KANSL1: variants seen among roughly 807,000 people sequenced by gnomAD.
KANSL1 encodes KAT8 regulatory NSL complex subunit 1.
In KANSL1, 22 loss-of-function variants were observed where a neutral mutation model predicts 103.6. The observed-to-expected ratio is 0.21, with a 90% CI of 0.15 to 0.30. The LOEUF (loss-of-function observed/expected upper bound fraction) is 0.30. Ranked by LOEUF, KANSL1 falls within the 10% of genes least tolerant of loss-of-function variation. The probability of loss-of-function intolerance (pLI) is 1.00; values close to 1 mark genes in which losing one functional copy is unlikely to be tolerated. For missense variants in KANSL1, 1,337 were observed against 1,399.8 expected (o/e 0.96, Z 0.72); for synonymous variants, 600 against 527.6 (o/e 1.14, Z -1.88).
intron 6 of KANSL1, among the ~76,000 whole-genome samples, chr17:46,063,535 G>T (rs1001514215): frequency 6.6e-6 from 1 of 152,172 alleles, no homozygotes; most frequent in African/African-American, 2.4e-5. Flanking sequence ...CCAGCTTTCT[G>T]CTAGATCTAG....
chr17:46,172,475 A>C (rs556278714), intron 1 of KANSL1, among the ~76,000 whole-genome samples: 1 of 152,374 alleles, frequency 6.6e-6, no homozygotes. Context: ...GTTACCACAG[A>C]TTGAAAGGTG....
chr17:46,118,364 C>T (rs560504311), intron 2 of KANSL1, among the ~76,000 whole-genome samples: 1 of 152,384 alleles, frequency 6.6e-6, no homozygotes, highest in East Asian at 1.9e-4. Context: ...CCAATCCCTT[C>T]AGATGTGGCA....
chr17:46,158,687 C>T (rs946638794), intron 2 of KANSL1, among the ~76,000 whole-genome samples: 1 of 152,152 alleles, frequency 6.6e-6, no homozygotes, highest in Non-Finnish European at 1.5e-5. Context: ...ATTACAGGTG[C>T]CCGCCACCAC....
chr17:46,094,508 G>C, intron 3 of KANSL1, 52 bp downstream of exon 3: 1 of 1,581,820 alleles, frequency 6.3e-7, no homozygotes, highest in South Asian at 1.1e-5. Context: ...TGAGAAAAGC[G>C]ATATTGATAG....
intron 2 of KANSL1, among the ~76,000 whole-genome samples, chr17:46,132,624 G>A (rs1034124649): frequency 5.3e-5 from 8 of 152,170 alleles, no homozygotes; most frequent in African/African-American, 1.9e-4. Flanking sequence ...GAGAATTGCT[G>A]CCCTAATTAA....
intron 2 of KANSL1, among the ~76,000 whole-genome samples, chr17:46,105,880 C>CACACACACAT (rs1414063926): frequency 4.4e-4 from 42 of 95,326 alleles, no homozygotes; most frequent in Middle Eastern, 6.0e-3. Flanking sequence ...CACACACACA[C>CACACACACAT]ACACACACAC....
intron 2 of KANSL1, among the ~76,000 whole-genome samples, chr17:46,112,580 G>A (rs989152093): frequency 4.6e-5 from 7 of 151,926 alleles, no homozygotes; most frequent in African/African-American, 1.7e-4. Flanking sequence ...AGCTACTCAG[G>A]AGGCTGAGGT....
intron 3 of KANSL1, among the ~76,000 whole-genome samples, chr17:46,090,054 C>A (rs969127420): frequency 6.6e-5 from 10 of 152,188 alleles, no homozygotes; most frequent in African/African-American, 2.2e-4. Context: ...TTATGAAGAG[C>A]CATTTAGTGT....
intron 2 of KANSL1, among the ~76,000 whole-genome samples, chr17:46,120,836 C>T (rs2043247433): frequency 6.6e-6 from 1 of 152,156 alleles, no homozygotes; most frequent in Non-Finnish European, 1.5e-5. Context: ...CGAAATTTTA[C>T]AATATGCAAT....
intron 1 of KANSL1, among the ~76,000 whole-genome samples, chr17:46,210,506 C>G (rs1166550942): frequency 1.4e-3 from 39 of 26,924 alleles, no homozygotes; most frequent in Non-Finnish European, 2.1e-3. Flanking sequence ...AAAAAAAGAC[C>G]TGAGTGGCCA....
intron 2 of KANSL1, among the ~76,000 whole-genome samples, chr17:46,157,219 T>A (rs2045479288): frequency 6.6e-6 from 1 of 152,232 alleles, no homozygotes; most frequent in Non-Finnish European, 1.5e-5. Context: ...TTATGGTAAC[T>A]CCCCTGATCA....
At chr17:46,218,170 C>T (rs1456084557) in intron 1 of KANSL1, among the ~76,000 whole-genome samples, 3 of 152,234 alleles carry the variant, frequency 2.0e-5, no homozygotes, top group Non-Finnish European at 4.4e-5. Flanking sequence ...TTTCTAGCCT[C>T]CAGAACAGGG....
intron 6 of KANSL1, among the ~76,000 whole-genome samples, chr17:46,059,388 G>A (rs562046088): frequency 6.6e-6 from 1 of 152,138 alleles, no homozygotes; most frequent in South Asian, 2.1e-4. Flanking sequence ...GGAGGCTGAG[G>A]CGGGCAGACC....
chr17:46,033,608 T>C (rs2077070867), intron 11 of KANSL1, 148 bp from the exon 12 acceptor site: 1 of 679,706 alleles, frequency 1.5e-6, no homozygotes. Context: ...CAGCTCAGTC[T>C]CCCTACCCTG....
At chr17:46,118,616 A>AC (rs749009847) in intron 2 of KANSL1, among the ~76,000 whole-genome samples, 57 of 152,328 alleles carry the variant, frequency 3.7e-4, no homozygotes, top group Non-Finnish European at 7.1e-4. Context: ...CAAAGACTAC[A>AC]CTTTGATGGT....
intron 2 of KANSL1, among the ~76,000 whole-genome samples, chr17:46,169,073 A>C (rs887656609): frequency 6.6e-6 from 1 of 152,246 alleles, no homozygotes; most frequent in African/African-American, 2.4e-5. Context: ...CTGTTACTCA[A>C]AATAAGTGCA....
intron 2 of KANSL1, among the ~76,000 whole-genome samples, chr17:46,105,947 A>ACACACACACCC (rs1396276906): frequency 1.7e-5 from 1 of 57,780 alleles, no homozygotes; most frequent in African/African-American, 6.6e-5. Context: ...ACACACACAC[A>ACACACACACCC]CCCCCCCAGA....
intron 2 of KANSL1, among the ~76,000 whole-genome samples, chr17:46,103,214 TTTTA>T: frequency 6.6e-6 from 1 of 152,366 alleles, no homozygotes; most frequent in African/African-American, 2.4e-5. Flanking sequence ...CCTCATGCTC[TTTTA>T]TTTATCTCAG....
intron 2 of KANSL1, among the ~76,000 whole-genome samples, chr17:46,134,381 G>C (rs142653809): frequency 0.01 from 1,572 of 151,252 alleles, 25 homozygotes; most frequent in African/African-American, 0.034. Context: ...TGGGCAACAA[G>C]AACAAAACTC....
Sources: allele counts gnomAD v4.1 joint callset (sites outside exome capture counted in the v4.1 genomes callset), GRCh38; gene constraint gnomAD v4.1.1; transcripts MANE v1.5; gene names NCBI Gene and HGNC (gene_info 2026-07-23, HGNC 2026-07-21).